COL26A1: variants seen among roughly 807,000 people sequenced by gnomAD.
COL26A1 encodes collagen type XXVI alpha 1 chain.
A neutral mutation model predicts 59.3 loss-of-function variants in COL26A1; 41 were observed. The ratio of observed to expected loss-of-function variants is 0.69; its 90% CI spans 0.54 to 0.90. COL26A1 has a LOEUF of 0.90. COL26A1 is among the 40% of genes least tolerant of loss of function. The pLI, the probability that COL26A1 is intolerant of heterozygous loss-of-function variation, is 0.00. For synonymous variants in COL26A1, 266 were observed against 256.0 expected, an observed-to-expected ratio of 1.04 and a Z score of -0.37; for missense variants, 612 against 602.3, an observed-to-expected ratio of 1.02 and a Z score of -0.17.
At chr7:101,483,765 C>T (rs1794205920) in intron 3 of COL26A1, among the ~76,000 whole-genome samples, 1 of 151,880 alleles carries the variant, frequency 6.6e-6, no homozygotes, top group African/African-American at 2.4e-5. Context: ...ACCTCCACCT[C>T]CCGGGTTCAA....
rs1791287486 is a variant in COL26A1 at position 101,375,282 on chromosome 7, T to G, written c.158+12092T>G. Among the ~76,000 whole-genome samples the G allele has an allele frequency of 1.3e-5, 2 of 152,154 alleles. 1 individual carries two copies. The highest frequency in any genetic ancestry group is 4.1e-4 in the South Asian group (2 of 4,828). ...ATGCAAGTTAATATTAATCAAGCGC[T>G]TAGAACAATGTCTAGTATGTGCTCT... On this transcript the variant is annotated intron_variant, in intron 1 of 12. Coordinates refer to ENST00000313669, the MANE Select transcript of COL26A1 (RefSeq NM_001278563.3).
intron 3 of COL26A1, among the ~76,000 whole-genome samples, chr7:101,472,645 C>A (rs1269482579): frequency 6.6e-6 from 1 of 152,160 alleles, no homozygotes; most frequent in Non-Finnish European, 1.5e-5. Flanking sequence ...GAAAATGCCT[C>A]CCAGGAGAGC....
intron 3 of COL26A1, among the ~76,000 whole-genome samples, chr7:101,471,467 G>GCTAT (rs1259190191): frequency 3.9e-5 from 6 of 151,962 alleles, no homozygotes; most frequent in African/African-American, 1.2e-4. Flanking sequence ...TACAGAATAG[G>GCTAT]CTATCCTCAG....
chr7:101,466,795 GGTGTGTGTGTGTGTGTGTGT>G (rs59942660), intron 3 of COL26A1, among the ~76,000 whole-genome samples: 2 of 125,246 alleles, frequency 1.6e-5, no homozygotes, highest in East Asian at 4.7e-4. Flanking sequence ...GGCATGTTCT[GGTGTGTGTGTGTGTGTGTGT>G]GTGTGTGTGT....
chr7:101,452,385 G>A (rs1793361621), intron 3 of COL26A1, among the ~76,000 whole-genome samples: 5 of 152,204 alleles, frequency 3.3e-5, no homozygotes, highest in Non-Finnish European at 7.3e-5. Context: ...GTGACTGTGA[G>A]CTGGTGAATT....
chr7:101,375,844 G>A (rs2117017099), intron 1 of COL26A1, among the ~76,000 whole-genome samples: 2 of 152,008 alleles, frequency 1.3e-5, no homozygotes, highest in East Asian at 3.9e-4. Context: ...AAATTGGCTG[G>A]GTGTGGTGGC....
At chr7:101,551,833 G>C (rs376706217) in intron 10 of COL26A1, among the ~76,000 whole-genome samples, 2 of 152,320 alleles carry the variant, frequency 1.3e-5, no homozygotes, top group Middle Eastern at 3.4e-3. Flanking sequence ...CTCACTGTAG[G>C]GGTGTGGGGC....
chr7:101,412,644 C>CAAA (rs55967503), intron 1 of COL26A1, among the ~76,000 whole-genome samples: 5 of 87,998 alleles, frequency 5.7e-5, no homozygotes, highest in East Asian at 3.4e-4. Context: ...GACTCCGTCT[C>CAAA]AAAAAAAAAA....
intron 1 of COL26A1, among the ~76,000 whole-genome samples, chr7:101,386,724 C>T (rs912104664): frequency 6.6e-6 from 1 of 152,192 alleles, no homozygotes; most frequent in Non-Finnish European, 1.5e-5. Flanking sequence ...CGCAGGAGCT[C>T]ACAAGGCTGG....
At chr7:101,482,763 C>T (rs1262641238) in intron 3 of COL26A1, among the ~76,000 whole-genome samples, 1 of 152,116 alleles carries the variant, frequency 6.6e-6, no homozygotes, top group South Asian at 2.1e-4. Context: ...TCAAGACCAG[C>T]CTGGCCAACA....
intron 4 of COL26A1, among the ~76,000 whole-genome samples, chr7:101,538,867 G>A (rs1795540871): frequency 6.6e-6 from 1 of 152,230 alleles, no homozygotes; most frequent in Non-Finnish European, 1.5e-5. Flanking sequence ...CCATCTGCCT[G>A]TGCACCATGG....
At chr7:101,408,346 G>A (rs1792174938) in intron 1 of COL26A1, among the ~76,000 whole-genome samples, 1 of 152,208 alleles carries the variant, frequency 6.6e-6, no homozygotes, top group Admixed American at 6.5e-5. Context: ...GTTGTCCCCA[G>A]GCAGGGATAT....
chr7:101,468,575 A>T (rs1444386182), intron 3 of COL26A1, among the ~76,000 whole-genome samples: 1 of 152,230 alleles, frequency 6.6e-6, no homozygotes. Flanking sequence ...AGCCCTGGTT[A>T]TCGTAAACTT....
Position 101,515,239 on chromosome 7 carries a change from A to G in COL26A1, c.386-17843A>G, listed in dbSNP as rs543916715. Among the ~76,000 whole-genome samples, 214 of 152,262 alleles carry G rather than the reference A, an allele frequency of 1.4e-3. 1 individual carries two copies. Among genetic ancestry groups the G allele is most frequent in the African/African-American group, 5.0e-3 (207 of 41,568 alleles). ...ACAAACGGTGCCTCTCTGATCAAGG[A>G]GAAATTGGTGTTTCTGGATTCGAGA... On this transcript the variant is annotated intron_variant, in intron 3 of 12. Transcript: ENST00000313669.
chr7:101,486,353 C>T (rs79591557), intron 3 of COL26A1, among the ~76,000 whole-genome samples: 5,818 of 152,250 alleles, frequency 0.038, 179 homozygotes, highest in Middle Eastern at 0.061. Context: ...TGAGGCTGTC[C>T]GTGTCATACC....
At chr7:101,488,811 T>G (rs1297208198) in intron 3 of COL26A1, among the ~76,000 whole-genome samples, 2 of 152,140 alleles carry the variant, frequency 1.3e-5, no homozygotes, top group Non-Finnish European at 2.9e-5. Flanking sequence ...GAAAAAAAGT[T>G]TATTGTGTGT....
rs914743278 is a variant in COL26A1, at chr7:101,536,039, A to G, written c.447+2896A>G. Among the ~76,000 whole-genome samples, 5 of 152,230 alleles carry G rather than the reference A, an allele frequency of 3.3e-5. No individual in the cohort carries two copies. In the South Asian group the frequency reaches 1.0e-3, roughly 32 times the overall value. ...GAGAGGGCCTCTAGGAGGTTTTTTT[A>G]GACAAGGTCTCGTGCTATCTCAGTG... is the stretch of plus-strand genomic sequence containing the variant. On this transcript the variant is annotated intron_variant, in intron 4 of 12. Transcript: ENST00000313669.
At chr7:101,545,989 C>T (rs73413424) in intron 7 of COL26A1, among the ~76,000 whole-genome samples, 2,047 of 152,348 alleles carry the variant, frequency 0.013, 40 homozygotes, top group African/African-American at 0.046. Flanking sequence ...AGGATTTTAG[C>T]CACTGGGGAC....
At chr7:101,433,087 C>T (rs1792820295) in intron 2 of COL26A1, among the ~76,000 whole-genome samples, 1 of 152,114 alleles carries the variant, frequency 6.6e-6, no homozygotes, top group South Asian at 2.1e-4. Flanking sequence ...CTTCGGGAGG[C>T]TGAGATGGGT....
Sources: gnomAD v4.1 joint callset for allele counts (sites outside exome capture counted in the v4.1 genomes callset) on GRCh38, gnomAD v4.1.1 for gene constraint, MANE v1.5 for transcripts, NCBI Gene and HGNC (gene_info 2026-07-23, HGNC 2026-07-21) for gene names.